The following INPP4B variants were observed in gnomAD, a reference collection of about 807,000 sequenced individuals.
The protein encoded by INPP4B is inositol polyphosphate-4-phosphatase type II B.
Under a neutral mutation model 122.5 loss-of-function variants are expected in INPP4B, and 55 were observed. The observed-to-expected ratio is 0.45, with a 90% CI of 0.36 to 0.56. The LOEUF (loss-of-function observed/expected upper bound fraction) is 0.56, where lower values mean the gene tolerates loss of function less well. INPP4B is among the 20% of genes least tolerant of loss of function. The probability of loss-of-function intolerance (pLI) is 0.00; values close to 1 mark genes in which losing one functional copy is unlikely to be tolerated. For synonymous variants in INPP4B, 403 were observed against 388.7 expected (o/e 1.04, Z -0.43); for missense variants, 1,000 against 1,097.7 (o/e 0.91, Z 1.26).
At chr4:142,673,987 TG>T (rs1757362088) in intron 2 of INPP4B, among the ~76,000 whole-genome samples, 2 of 152,114 alleles carry the variant, frequency 1.3e-5, no homozygotes, top group Admixed American at 6.6e-5. Context: ...ATCCTTCTCT[TG>T]GCACAACCTA....
intron 1 of INPP4B, among the ~76,000 whole-genome samples, chr4:142,813,361 C>A (rs1779744819): frequency 6.6e-6 from 1 of 152,134 alleles, no homozygotes; most frequent in African/African-American, 2.4e-5. Context: ...AGAAAACAAA[C>A]CTCTCCAGAC....
At chr4:142,578,007 T>C (rs1734218298) in intron 2 of INPP4B, among the ~76,000 whole-genome samples, 1 of 152,014 alleles carries the variant, frequency 6.6e-6, no homozygotes, top group African/African-American at 2.4e-5. Flanking sequence ...TGCCAATTTC[T>C]GTTGGTTGGA....
intron 2 of INPP4B, among the ~76,000 whole-genome samples, chr4:142,594,108 T>C (rs1351261046): frequency 6.6e-6 from 1 of 152,196 alleles, no homozygotes; most frequent in Non-Finnish European, 1.5e-5. Context: ...ATTTGTAACA[T>C]GAGAATAAAA....
At chr4:142,206,353 CTCTTT>C (rs1842581304) in intron 14 of INPP4B, among the ~76,000 whole-genome samples, 1 of 81,694 alleles carries the variant, frequency 1.2e-5, no homozygotes, top group South Asian at 4.0e-4. Flanking sequence ...CTCTCTCTCT[CTCTTT>C]TTTTTTTTTT....
At chr4:142,049,266 C>CAAAGT (rs1331458832) in intron 25 of INPP4B, among the ~76,000 whole-genome samples, 1 of 151,992 alleles carries the variant, frequency 6.6e-6, no homozygotes, top group Non-Finnish European at 1.5e-5. Context: ...AGTATCATGT[C>CAAAGT]AAAGTATATG....
intron 2 of INPP4B, among the ~76,000 whole-genome samples, chr4:142,582,195 C>CAAA (rs397717604): frequency 1.6e-3 from 230 of 140,948 alleles, no homozygotes; most frequent in African/African-American, 5.8e-3. Flanking sequence ...CTAATGGATA[C>CAAA]AAAAAAAAAA....
chr4:142,846,329 T>A (rs1458347141), upstream of INPP4B: 1 of 152,198 alleles, frequency 6.6e-6, no homozygotes, highest in Non-Finnish European at 1.5e-5. This position sits in a 1 kb window ranked among gnomAD's most constrained non-coding sequence, Gnocchi z 5.1. Context: ...ACCTGCTATT[T>A]ATAGACCGAA....
At chr4:142,069,479 G>T (rs529544090) in intron 25 of INPP4B, among the ~76,000 whole-genome samples, 1 of 152,026 alleles carries the variant, frequency 6.6e-6, no homozygotes, top group Non-Finnish European at 1.5e-5. Flanking sequence ...AAATAACTAA[G>T]ATCAGAGCAG....
chr4:142,024,431 T>C lies in INPP4B; in HGVS notation c.*4351A>G, dbSNP rs952985652. The C allele has an allele frequency of 6.6e-6, 1 of 152,202 alleles. No individual in the cohort carries two copies. Among genetic ancestry groups the C allele is most frequent in the African/African-American group, 2.4e-5 (1 of 41,466 alleles). 9.4% of individuals were successfully genotyped at this position (152,202 alleles called of 1,614,324 possible). On this transcript the variant is annotated 3_prime_UTR_variant, in exon 26 of 26. Coordinates refer to ENST00000262992, the MANE Select transcript of INPP4B (RefSeq NM_001101669.3). ...GTGCATAATTTTTAAGGCCTCCAGC[T>C]ACTATGATGCCTTGTGTTCAATATG... is the stretch of plus-strand genomic sequence containing the variant.
chr4:142,718,452 T>C (rs1764091803), intron 2 of INPP4B, among the ~76,000 whole-genome samples: 1 of 152,190 alleles, frequency 6.6e-6, no homozygotes, highest in Non-Finnish European at 1.5e-5. Context: ...TCTTATTCCT[T>C]GCCCCTTCTA....
chr4:142,649,532 A>G (rs1172391403), intron 2 of INPP4B, among the ~76,000 whole-genome samples: 1 of 152,066 alleles, frequency 6.6e-6, no homozygotes, highest in African/African-American at 2.4e-5. Flanking sequence ...CCTTAAATGG[A>G]GCTAAAAACC....
At chr4:142,783,185 G>A (rs1450291838) in intron 1 of INPP4B, among the ~76,000 whole-genome samples, 1 of 152,094 alleles carries the variant, frequency 6.6e-6, no homozygotes, top group African/African-American at 2.4e-5. Context: ...AAACTCAAGA[G>A]CTTCTGCACA....
intron 2 of INPP4B, among the ~76,000 whole-genome samples, chr4:142,648,976 C>T (rs1752380787): frequency 6.6e-6 from 1 of 152,114 alleles, no homozygotes; most frequent in Admixed American, 6.5e-5. Flanking sequence ...AGGTGGCTGC[C>T]CCTCTGGGAC....
At chr4:142,493,810 T>C (rs938699099) in intron 2 of INPP4B, among the ~76,000 whole-genome samples, 2 of 152,068 alleles carry the variant, frequency 1.3e-5, no homozygotes, top group Non-Finnish European at 2.9e-5. Context: ...GGACTGTTGG[T>C]AAGTCATGAT....
At chr4:142,102,137 C>A (rs995676560) in intron 23 of INPP4B, among the ~76,000 whole-genome samples, 191 of 151,952 alleles carry the variant, frequency 1.3e-3, no homozygotes, top group African/African-American at 4.3e-3. Context: ...TGTGCCTTGA[C>A]TTAAGCCATC....
intron 7 of INPP4B, among the ~76,000 whole-genome samples, chr4:142,363,174 G>A (rs893034762): frequency 1.3e-5 from 2 of 151,968 alleles, no homozygotes; most frequent in African/African-American, 2.4e-5. Context: ...GTGAGAGTCT[G>A]ATTAAACACA....
chr4:142,395,564 A>G (rs1379122792), intron 7 of INPP4B, among the ~76,000 whole-genome samples: 1 of 152,218 alleles, frequency 6.6e-6, no homozygotes, highest in Non-Finnish European at 1.5e-5. Flanking sequence ...TTGGGTATTT[A>G]TCCAAAATAA....
chr4:142,803,308 A>G (rs1422857153), intron 1 of INPP4B, among the ~76,000 whole-genome samples: 1 of 152,078 alleles, frequency 6.6e-6, no homozygotes, highest in Non-Finnish European at 1.5e-5. Context: ...TAGATAGTGT[A>G]ATTTTAAGAA....
intron 11 of INPP4B, among the ~76,000 whole-genome samples, chr4:142,249,523 T>C (rs932905125): frequency 9.2e-5 from 14 of 151,988 alleles, no homozygotes; most frequent in African/African-American, 3.1e-4. Flanking sequence ...CTGATGAAAA[T>C]GAATACTTTC....
Sources: gnomAD v4.1 joint callset for allele counts (sites outside exome capture counted in the v4.1 genomes callset) on GRCh38, gnomAD v4.1.1 for gene constraint, Gnocchi (gnomAD v3.1) non-coding constraint, MANE v1.5 for transcripts, NCBI Gene and HGNC (gene_info 2026-07-23, HGNC 2026-07-21) for gene names.